The following GPBP1 variants were observed in gnomAD, a reference collection of about 807,000 sequenced individuals.
GPBP1 encodes the protein vasculin.
GPBP1 carries 13 observed loss-of-function variants against 56.5 expected under a neutral mutation model. That is an observed-to-expected ratio of 0.23 (90% confidence interval 0.15 to 0.37). The LOEUF is 0.37. GPBP1 is among the 10% of genes least tolerant of loss of function. GPBP1 has a pLI of 1.00. For missense variants in GPBP1, 477 were observed against 572.3 expected (o/e 0.83, Z 1.70); for synonymous variants, 204 against 188.9 (o/e 1.08, Z -0.66).
At position 57,184,620 on chromosome 5, in the gene GPBP1, G is replaced by A. The variant is rs185859051; in HGVS notation, c.-58+8220G>A. On this transcript the variant is annotated intron_variant, in intron 2 of 11. Coordinates refer to ENST00000506184, the MANE Select transcript of GPBP1 (RefSeq NM_022913.4). ...AGTTCAACACCTGGCACTAGGTGCC[G>A]CCTTCAACATTGGGGATCACATTGG... is the stretch of plus-strand genomic sequence containing the variant. Among the ~76,000 whole-genome samples, 8 of 152,260 alleles carry A rather than the reference G, an allele frequency of 5.3e-5. No homozygotes were observed. The East Asian group carries it at 5.8e-4, about 11-fold the overall frequency.
At chr5:57,219,932 AT>A (rs1162643963) in intron 3 of GPBP1, among the ~76,000 whole-genome samples, 1 of 151,452 alleles carries the variant, frequency 6.6e-6, no homozygotes, top group Non-Finnish European at 1.5e-5. Context: ...CGTGCCTGTA[AT>A]CCTAGCTACT....
chr5:57,227,474 A>G (rs1455958841), intron 3 of GPBP1, among the ~76,000 whole-genome samples: 7 of 152,294 alleles, frequency 4.6e-5, no homozygotes, highest in African/African-American at 1.7e-4. Flanking sequence ...GATTATGGCC[A>G]TGAGACACTG....
chr5:57,218,545 G>C (rs1354933379), intron 3 of GPBP1, among the ~76,000 whole-genome samples: 2 of 152,140 alleles, frequency 1.3e-5, no homozygotes, highest in East Asian at 3.8e-4. Context: ...TTCAGCAATT[G>C]GTCTATGGGT....
chr5:57,229,958 G>GTCCCGTCCCGTCCCT (rs1554070430), intron 3 of GPBP1, among the ~76,000 whole-genome samples: 1 of 148,670 alleles, frequency 6.7e-6, no homozygotes, highest in Admixed American at 6.7e-5. Flanking sequence ...GTCCCGTCCC[G>GTCCCGTCCCGTCCCT]TCCCGTCCCG....
chr5:57,177,141 A>G (rs1311431491), intron 2 of GPBP1, among the ~76,000 whole-genome samples: 1 of 152,116 alleles, frequency 6.6e-6, no homozygotes, highest in Non-Finnish European at 1.5e-5. Context: ...TCCACTCAAG[A>G]GGTTATGCTG....
chr5:57,251,510 T>C (rs1286309384), intron 10 of GPBP1, among the ~76,000 whole-genome samples: 2 of 152,128 alleles, frequency 1.3e-5, no homozygotes, highest in Non-Finnish European at 2.9e-5. Context: ...TATTGCTGAA[T>C]AGTACACTAT....
At chr5:57,174,933 CACCTTTCTG>C (rs1753732288) in intron 1 of GPBP1, among the ~76,000 whole-genome samples, 1 of 152,178 alleles carries the variant, frequency 6.6e-6, no homozygotes, top group Non-Finnish European at 1.5e-5. Flanking sequence ...ACTTCTAGTT[CACCTTTCTG>C]GCCTTACTGG....
intron 2 of GPBP1, among the ~76,000 whole-genome samples, chr5:57,191,912 T>C (rs555341191): frequency 1.2e-4 from 19 of 152,304 alleles, no homozygotes; most frequent in East Asian, 1.9e-4. Context: ...TTAAGACTTA[T>C]CATTTTTCAG....
At chr5:57,235,849 A>G (rs962789183) in intron 5 of GPBP1, 117 bp from the exon 6 acceptor site, 7 of 741,986 alleles carry the variant, frequency 9.4e-6, no homozygotes, top group South Asian at 1.6e-5. Flanking sequence ...GGGTTATTCA[A>G]CCTGTAGCTA....
intron 3 of GPBP1, among the ~76,000 whole-genome samples, chr5:57,224,155 A>G (rs1050632996): frequency 6.6e-6 from 1 of 151,330 alleles, no homozygotes; most frequent in Non-Finnish European, 1.5e-5. Flanking sequence ...TTTAATTAAA[A>G]TTTTTTCTAG....
intron 2 of GPBP1, among the ~76,000 whole-genome samples, chr5:57,177,146 A>G (rs760519203): frequency 6.6e-6 from 1 of 152,174 alleles, no homozygotes; most frequent in Non-Finnish European, 1.5e-5. Flanking sequence ...TCAAGAGGTT[A>G]TGCTGGCCTA....
chr5:57,230,900 T>C lies in GPBP1; in HGVS notation c.118T>C (p.Tyr40His). 1.2e-6 allele frequency: 2 copies of C among 1,612,736 alleles called. No individual in the cohort carries two copies. Among genetic ancestry groups the C allele is most frequent in the Non-Finnish European group, 1.7e-6 (2 of 1,179,394 alleles). ...AAACTTTGCATGGACAGAGAATCGT[T>C]ATGATGTGAACCGTCGACGACACAA... is the stretch of plus-strand genomic sequence containing the variant. ...SENFAWTENR[Y>H]DVNRRRHNSS... is the part of the protein sequence containing the mutation. The change falls in exon 4 of 12, where the codon TAT (tyrosine) becomes CAT (histidine). Residue 40 changes from tyrosine to histidine, a missense_variant. Coordinates refer to ENST00000506184, the MANE Select transcript of GPBP1 (RefSeq NM_022913.4).
chr5:57,240,594 ATTAT>A (rs1740780519), intron 6 of GPBP1, among the ~76,000 whole-genome samples: 1 of 152,172 alleles, frequency 6.6e-6, no homozygotes, highest in East Asian at 1.9e-4. Context: ...TTGCTTATTG[ATTAT>A]TTAGATTTTG....
rs994395151 is a variant in GPBP1, at chr5:57,224,075, C to T, written c.64-6771C>T. Among the ~76,000 whole-genome samples, 7 of 151,470 alleles carry T rather than the reference C, an allele frequency of 4.6e-5. No individual in the cohort carries two copies. The East Asian group carries it at 5.9e-4, about 13-fold the overall frequency. Reference sequence around the variant, plus strand: ...GTCTCGATCTCCTGACCTCATGATCCGCCCGCCTCGGCCTACCAAAGTGCT... The same window carrying T: ...GTCTCGATCTCCTGACCTCATGATCTGCCCGCCTCGGCCTACCAAAGTGCT... On this transcript the variant is annotated intron_variant, in intron 3 of 11. Transcript: ENST00000506184.
chr5:57,212,888 G>A (rs1490598497), intron 2 of GPBP1, among the ~76,000 whole-genome samples: 1 of 151,600 alleles, frequency 6.6e-6, no homozygotes, highest in East Asian at 1.9e-4. Flanking sequence ...GGCCAGGCTG[G>A]TCTTAAACTC....
chr5:57,222,043 GT>G lies in GPBP1; in HGVS notation c.63+7858del, dbSNP rs201112985. 3.2e-3 allele frequency among the ~76,000 whole-genome samples: 483 copies of G among 150,124 alleles called. 4 individuals carry two copies. The highest frequency in any genetic ancestry group is 0.011 in the African/African-American group (459 of 40,908). ...AACTTTAGTTTTGTTTTTTTGTTTT[GT>G]TTTTTTTGTTTGTTTGTAGAGACAG... On this transcript the variant is annotated intron_variant, in intron 3 of 11. Transcript: ENST00000506184.
intron 6 of GPBP1, among the ~76,000 whole-genome samples, chr5:57,236,810 C>T (rs958300925): frequency 2.6e-5 from 4 of 152,204 alleles, no homozygotes; most frequent in Middle Eastern, 3.4e-3. Flanking sequence ...CATGTTGGAA[C>T]TTAAACACAT....
chr5:57,253,556 T>A (rs1278321709), intron 10 of GPBP1, among the ~76,000 whole-genome samples: 1 of 152,262 alleles, frequency 6.6e-6, no homozygotes, highest in African/African-American at 2.4e-5. Context: ...TTTGTCCATC[T>A]TGTTCACTAT....
intron 2 of GPBP1, among the ~76,000 whole-genome samples, chr5:57,179,711 C>T (rs745963377): frequency 5.6e-4 from 85 of 152,074 alleles, no homozygotes; most frequent in Non-Finnish European, 9.4e-4. Context: ...GATTCTCCTG[C>T]CCCTTCAGCC....
Sources: allele counts gnomAD v4.1 joint callset (sites outside exome capture counted in the v4.1 genomes callset), GRCh38; gene constraint gnomAD v4.1.1; transcripts MANE v1.5; gene names NCBI Gene and HGNC (gene_info 2026-07-23, HGNC 2026-07-21).